EXOC5: variants seen among roughly 807,000 people sequenced by gnomAD.
EXOC5 encodes the protein exocyst complex component 5.
Under a neutral mutation model 90.8 loss-of-function variants are expected in EXOC5, and 17 were observed. That is an observed-to-expected ratio of 0.19 (90% CI 0.13 to 0.28). The LOEUF (loss-of-function observed/expected upper bound fraction) is 0.28, where lower values mean the gene tolerates loss of function less well. Among genes scored for constraint, EXOC5 ranks in the 10% least tolerant of loss-of-function variants. The pLI is 1.00. For synonymous variants in EXOC5, 260 were observed against 270.0 expected (o/e 0.96, Z 0.36); for missense variants, 569 against 830.6 (o/e 0.69, Z 3.87).
At chr14:57,258,742 C>T (rs185222290) in intron 1 of EXOC5, among the ~76,000 whole-genome samples, 174 of 152,314 alleles carry the variant, frequency 1.1e-3, no homozygotes, top group African/African-American at 4.0e-3. Flanking sequence ...ATCCCTTGGA[C>T]AGGAACATAA....
At chr14:57,220,792 T>G (rs1430405358) in intron 13 of EXOC5, among the ~76,000 whole-genome samples, 1 of 152,192 alleles carries the variant, frequency 6.6e-6, no homozygotes, top group East Asian at 1.9e-4. Flanking sequence ...AGAGCGAGAT[T>G]CTGTCTCAAA....
At chr14:57,255,970 T>C (rs2139664256) in intron 1 of EXOC5, among the ~76,000 whole-genome samples, 1 of 152,062 alleles carries the variant, frequency 6.6e-6, no homozygotes, top group East Asian at 1.9e-4. Flanking sequence ...AAGCAGAAAG[T>C]GGGTTCACTT....
intron 1 of EXOC5, among the ~76,000 whole-genome samples, chr14:57,267,573 T>C (rs1487773010): frequency 6.6e-6 from 1 of 152,224 alleles, no homozygotes; most frequent in Non-Finnish European, 1.5e-5. Flanking sequence ...TGTTACTCAA[T>C]GTGAAACACA....
At position 57,268,740 on chromosome 14, in the gene EXOC5, C is replaced by G; in HGVS notation, c.-92G>C. The G allele has an allele frequency of 1.3e-6, 2 of 1,491,854 alleles. No individual in the cohort carries two copies. Among genetic ancestry groups the G allele is most frequent in the African/African-American group, 1.4e-5 (1 of 70,220 alleles). 92.4% of individuals were successfully genotyped at this position (1,491,854 alleles called of 1,614,324 possible). A position where few individuals can be genotyped will look rare whatever the true frequency, so the allele number is the denominator to read the frequency against. On this transcript the variant is annotated 5_prime_UTR_variant, in exon 1 of 18. Coordinates refer to ENST00000621441, the MANE Select transcript of EXOC5 (RefSeq NM_006544.4). ...GCGCGGCGCACAGGTCTCCGCTCGG[C>G]TCGCCAGCTCCGGCTCCGGGCCGCT...
At chr14:57,255,839 A>C (rs1324044270) in intron 1 of EXOC5, among the ~76,000 whole-genome samples, 1 of 126,124 alleles carries the variant, frequency 7.9e-6, no homozygotes, top group East Asian at 2.1e-4. Flanking sequence ...CTCCAAAAGC[A>C]AAAAAAAAAA....
In EXOC5 at chr14:57,249,936, C is replaced by A. The variant is rs561532673; in HGVS notation, c.28-2224G>T. On this transcript the variant is annotated intron_variant, in intron 1 of 17. Coordinates refer to ENST00000621441, the MANE Select transcript of EXOC5 (RefSeq NM_006544.4). ...TATAGGCATGCACCACTATGCTTGG[C>A]TAATTTTGTAGTTTTAGTAGAAACG... Among the ~76,000 whole-genome samples the A allele has an allele frequency of 3.3e-5, 5 of 152,106 alleles. No individual in the cohort carries two copies. In the East Asian group the frequency reaches 5.8e-4, roughly 18 times the overall value.
chr14:57,205,910 G>T lies in EXOC5; in HGVS notation c.*2699C>A, dbSNP rs1327467330. On this transcript the variant is annotated 3_prime_UTR_variant, in exon 18 of 18. Coordinates refer to ENST00000621441, the MANE Select transcript of EXOC5 (RefSeq NM_006544.4). Reference sequence around the variant, plus strand: ...AAAAATTGTCCTGGAATGGTCAGGTGGTCATCCATCTAAAGATCCATCCAG... The same window carrying T: ...AAAAATTGTCCTGGAATGGTCAGGTTGTCATCCATCTAAAGATCCATCCAG... The T allele has an allele frequency of 4.2e-5, 19 of 455,900 alleles. No individual in the cohort carries two copies. The Admixed American group carries it at 4.5e-4, about 11-fold the overall frequency. 28.2% of individuals were successfully genotyped at this position (455,900 alleles called of 1,614,324 possible). A position where few individuals can be genotyped will look rare whatever the true frequency, so the allele number is the denominator to read the frequency against.
rs760118449 is a variant in EXOC5 at position 57,202,190 on chromosome 14, T to C, written c.*6419A>G. The C allele has an allele frequency of 3.9e-5, 6 of 152,114 alleles. No homozygotes were observed. The highest frequency in any genetic ancestry group is 8.8e-5 in the Non-Finnish European group (6 of 68,024). The allele number at this position is 152,114 out of a possible 1,614,324, so 9.4% of individuals were successfully genotyped here. A position where few individuals can be genotyped will look rare whatever the true frequency, so the allele number is the denominator to read the frequency against. On this transcript the variant is annotated 3_prime_UTR_variant, in exon 18 of 18. Coordinates refer to ENST00000621441, the MANE Select transcript of EXOC5 (RefSeq NM_006544.4). ...GGTGTTTTACAAAGTAACTACCCTATAATCTATAAAAATGTCCAGAGTCAA... is the reference window on the plus strand; with the variant it reads ...GGTGTTTTACAAAGTAACTACCCTACAATCTATAAAAATGTCCAGAGTCAA...
In EXOC5 at chr14:57,208,400, G is replaced by A; in HGVS notation, c.*209C>T. ...AATGGAATTAAAATTCAATGTGAGG[G>A]GAAAAAAGCAAAATATAGCTAGTGG... On this transcript the variant is annotated 3_prime_UTR_variant, in exon 18 of 18. Coordinates refer to ENST00000621441, the MANE Select transcript of EXOC5 (RefSeq NM_006544.4). The A allele has an allele frequency of 5.0e-6, 2 of 397,926 alleles. No individual in the cohort carries two copies. The highest frequency in any genetic ancestry group is 9.0e-6 in the Non-Finnish European group (2 of 223,028). The allele number at this position is 397,926 out of a possible 1,614,324, so 24.6% of individuals were successfully genotyped here. A position where few individuals can be genotyped will look rare whatever the true frequency, so the allele number is the denominator to read the frequency against.
At chr14:57,217,705 C>T (rs1477822520) in intron 15 of EXOC5, among the ~76,000 whole-genome samples, 3 of 151,980 alleles carry the variant, frequency 2.0e-5, no homozygotes, top group African/African-American at 4.8e-5. Context: ...AACTGAAAAA[C>T]GTCACATATT....
intron 15 of EXOC5, among the ~76,000 whole-genome samples, chr14:57,215,568 A>G (rs1207793796): frequency 6.6e-6 from 1 of 152,080 alleles, no homozygotes; most frequent in Non-Finnish European, 1.5e-5. Context: ...TAAAAATCAC[A>G]TAATTGTCTG....
intron 13 of EXOC5, among the ~76,000 whole-genome samples, 186 bp downstream of exon 13, chr14:57,222,122 T>C (rs1161054870): frequency 4.6e-5 from 7 of 152,088 alleles, no homozygotes; most frequent in Non-Finnish European, 1.0e-4. Flanking sequence ...ATGTAAACAA[T>C]ATGAGAGAAC....
chr14:57,233,966 A>G (rs1883568619), intron 8 of EXOC5, 22 bp downstream of exon 8: 2 of 1,595,858 alleles, frequency 1.3e-6, no homozygotes, highest in Non-Finnish European at 1.7e-6. Flanking sequence ...ATAATATCCA[A>G]CAAAGTGTAC....
rs766972373 is a variant in EXOC5 at position 57,229,738 on chromosome 14, T to C, written c.1292A>G (p.His431Arg). The C allele has an allele frequency of 1.1e-5, 16 of 1,518,676 alleles. No individual in the cohort carries two copies. The highest frequency in any genetic ancestry group is 5.5e-5 in the African/African-American group (4 of 72,652). 94.1% of individuals were successfully genotyped at this position (1,518,676 alleles called of 1,614,324 possible). ...TACATTTACAATCACTCTTACCCTATGACATCTTTCAAAGGCTTGTTTGGT... is the reference window on the plus strand; with the variant it reads ...TACATTTACAATCACTCTTACCCTACGACATCTTTCAAAGGCTTGTTTGGT... ...QETKQAFERC[H>R]RLSDPSDLPR... Residue 431 changes from histidine to arginine, a missense_variant, in exon 12 of 18, where the codon CAT becomes CGT. Coordinates refer to ENST00000621441, the MANE Select transcript of EXOC5 (RefSeq NM_006544.4).
Position 57,206,164 on chromosome 14 carries a change from C to T in EXOC5, c.*2445G>A, listed in dbSNP as rs572931730. On this transcript the variant is annotated 3_prime_UTR_variant, in exon 18 of 18. Coordinates refer to ENST00000621441, the MANE Select transcript of EXOC5 (RefSeq NM_006544.4). ...TTAGCTCATGCGGTATTGTGTAATA[C>T]TGCAAAGACCGTACTTACGTAAATG... 9.0e-6 allele frequency: 3 copies of T among 334,730 alleles called. No homozygotes were observed. The highest frequency in any genetic ancestry group is 8.1e-5 in the Admixed American group (2 of 24,562). The allele number at this position is 334,730 out of a possible 1,614,324, so 20.7% of individuals were successfully genotyped here. A position where few individuals can be genotyped will look rare whatever the true frequency, so the allele number is the denominator to read the frequency against.
intron 1 of EXOC5, among the ~76,000 whole-genome samples, chr14:57,248,581 A>G (rs1395279529): frequency 1.3e-5 from 2 of 152,096 alleles, no homozygotes; most frequent in African/African-American, 4.8e-5. Flanking sequence ...TAAAATTTCA[A>G]ATGTTCACCA....
intron 7 of EXOC5, among the ~76,000 whole-genome samples, chr14:57,234,555 GTA>G (rs1180053311): frequency 1.4e-5 from 2 of 145,718 alleles, no homozygotes; most frequent in South Asian, 2.2e-4. Flanking sequence ...ATATATATGT[GTA>G]TATATATATT....
rs1193763544 is a variant in EXOC5 at position 57,222,566 on chromosome 14, C to T, written c.1297-150G>A. On this transcript the variant is annotated intron_variant, in intron 12 of 17. Transcript: ENST00000621441. Reference sequence around the variant, plus strand: ...TCCCCCCATACTGCGTGTGCATGCACAAATACACACACACACAATTACAAT... The same window carrying T: ...TCCCCCCATACTGCGTGTGCATGCATAAATACACACACACACAATTACAAT... 6.1e-6 allele frequency: 3 copies of T among 488,994 alleles called. No homozygotes were observed. In the East Asian group the frequency reaches 9.9e-5, roughly 16 times the overall value. The allele number at this position is 488,994 out of a possible 1,614,324, so 30.3% of individuals were successfully genotyped here.
chr14:57,222,750 C>T (rs7161092), intron 12 of EXOC5, among the ~76,000 whole-genome samples: 24 of 135,678 alleles, frequency 1.8e-4, no homozygotes, highest in Middle Eastern at 3.7e-3. Flanking sequence ...TATATATATA[C>T]ACACACACAC....
Sources: gnomAD v4.1 joint callset for allele counts (sites outside exome capture counted in the v4.1 genomes callset) on GRCh38, gnomAD v4.1.1 for gene constraint, MANE v1.5 for transcripts, NCBI Gene and HGNC (gene_info 2026-07-23, HGNC 2026-07-21) for gene names.